Variants in COL28A1 observed in about 807,000 individuals in gnomAD.
The protein encoded by COL28A1 is collagen alpha-1(XXVIII) chain.
A neutral mutation model predicts 150.2 loss-of-function variants in COL28A1; 161 were observed. The observed-to-expected ratio is 1.07, with a 90% CI of 0.94 to 1.22. COL28A1 has a LOEUF of 1.22. COL28A1 is among the 50% of genes most tolerant of loss of function. COL28A1 has a pLI of 0.00. For synonymous variants in COL28A1, 552 were observed against 469.7 expected (o/e 1.18, Z -2.26); for missense variants, 1,617 against 1,388.3 (o/e 1.16, Z -2.62).
upstream of COL28A1, among the ~76,000 whole-genome samples, chr7:7,536,907 C>G (rs1162326817): frequency 6.6e-6 from 1 of 152,108 alleles, no homozygotes; most frequent in Non-Finnish European, 1.5e-5. Context: ...CACTTAATGT[C>G]CTCTGTAGGT....
intron 33 of COL28A1, among the ~76,000 whole-genome samples, chr7:7,360,916 C>A (rs1036633725): frequency 1.3e-5 from 2 of 152,216 alleles, no homozygotes; most frequent in Non-Finnish European, 2.9e-5. Flanking sequence ...CCACTCATTT[C>A]TTTAACATTT....
chr7:7,439,862 T>C (rs1736627040), intron 21 of COL28A1, among the ~76,000 whole-genome samples: 1 of 152,194 alleles, frequency 6.6e-6, no homozygotes, highest in Non-Finnish European at 1.5e-5. Context: ...CCCCAGGTGA[T>C]ACCGATGGAC....
chr7:7,461,731 C>A (rs1039953315), intron 15 of COL28A1, among the ~76,000 whole-genome samples: 1 of 152,118 alleles, frequency 6.6e-6, no homozygotes, highest in African/African-American at 2.4e-5. Context: ...CACAGCAAGA[C>A]CCACCCAAGT....
At position 7,471,982 on chromosome 7, in the gene COL28A1, T is replaced by G. The variant is rs1011017752; in HGVS notation, c.1302+2619A>C. On this transcript the variant is annotated intron_variant, in intron 15 of 34. Transcript: ENST00000399429. The stretch of plus-strand genomic sequence containing the variant: ...GACAAAATCCAGCATCCCTTTATGA[T>G]TAAAGCTCTCAGCAAAATTGGCATA... Among the ~76,000 whole-genome samples, 3 of 152,136 alleles carry G rather than the reference T, an allele frequency of 2.0e-5. No individual in the cohort carries two copies. The South Asian group carries it at 6.2e-4, about 31-fold the overall frequency.
chr7:7,507,352 A>C (rs559947899), intron 9 of COL28A1, among the ~76,000 whole-genome samples, 191 bp from the exon 10 acceptor site: 12 of 152,370 alleles, frequency 7.9e-5, no homozygotes, highest in Non-Finnish European at 1.3e-4. Flanking sequence ...TTCCTTCAGT[A>C]AACAATCTCC....
At chr7:7,480,484 CAACCAAATTATTAATAGATTGCAAACTA>C (rs1434385364) in intron 13 of COL28A1, among the ~76,000 whole-genome samples, 6 of 152,018 alleles carry the variant, frequency 3.9e-5, no homozygotes, top group African/African-American at 1.4e-4. Context: ...ATTGCAAACT[CAACCAAATTATTAATAGATTGCAAACTA>C]AACCAAAAGT....
intron 11 of COL28A1, among the ~76,000 whole-genome samples, chr7:7,500,298 T>C (rs1562843672): frequency 6.6e-6 from 1 of 152,216 alleles, no homozygotes; most frequent in East Asian, 1.9e-4. Context: ...ACTCATGCCA[T>C]TTAAAACCTT....
At chr7:7,471,213 G>A (rs1304172318) in intron 15 of COL28A1, among the ~76,000 whole-genome samples, 2 of 148,366 alleles carry the variant, frequency 1.3e-5, no homozygotes, top group Non-Finnish European at 3.0e-5. Context: ...ATAACAAGCA[G>A]TAAGACTGAA....
intron 13 of COL28A1, among the ~76,000 whole-genome samples, chr7:7,482,292 A>T (rs1255378173): frequency 6.6e-6 from 1 of 152,128 alleles, no homozygotes; most frequent in Non-Finnish European, 1.5e-5. Context: ...CAGGACGCTG[A>T]GGTGGGCGGA....
intron 18 of COL28A1, among the ~76,000 whole-genome samples, chr7:7,445,788 A>G (rs1037225678): frequency 6.6e-6 from 1 of 152,220 alleles, no homozygotes; most frequent in East Asian, 1.9e-4. Context: ...CACTAAGTAG[A>G]TGGAATGATA....
At chr7:7,437,279 G>A in intron 22 of COL28A1, 115 bp downstream of exon 22, 6 of 1,420,804 alleles carry the variant, frequency 4.2e-6, no homozygotes, top group Non-Finnish European at 5.5e-6. Flanking sequence ...GAGTTAAACG[G>A]AATCATTTCT....
chr7:7,351,576 G>A (rs979281860), downstream of COL28A1, among the ~76,000 whole-genome samples: 3 of 152,062 alleles, frequency 2.0e-5, no homozygotes, highest in Non-Finnish European at 4.4e-5. Flanking sequence ...TTCTTAACTT[G>A]ATTAAAACAG....
At position 7,456,034 on chromosome 7, in the gene COL28A1, C is replaced by A. The variant is rs749106451; in HGVS notation, c.1371+10G>T. ...CTGCACTGAAGGGAAAGGAAGAATG[C>A]ATTAATTACCTGTTCCCCTTGACTC... is the stretch of plus-strand genomic sequence containing the variant. On this transcript the variant is annotated intron_variant, in intron 16 of 34. Transcript: ENST00000399429. 6.2e-7 allele frequency: 1 copy of A among 1,613,710 alleles called. No homozygotes were observed. The highest frequency in any genetic ancestry group is 8.5e-7 in the Non-Finnish European group (1 of 1,179,790).
chr7:7,419,238 C>T (rs953305343), intron 26 of COL28A1, among the ~76,000 whole-genome samples: 11 of 152,164 alleles, frequency 7.2e-5, no homozygotes, highest in Non-Finnish European at 1.3e-4. Context: ...TGATGGGAGG[C>T]TGTCCTGGGC....
chr7:7,440,983 A>G, intron 20 of COL28A1, 122 bp from the exon 21 acceptor site: 2 of 536,000 alleles, frequency 3.7e-6, no homozygotes, highest in African/African-American at 1.9e-5. Context: ...GTGTGCCCTG[A>G]GCACAGCTCA....
Position 7,440,878 on chromosome 7 carries a change from G to GA in COL28A1, c.1651-18dup. 7.5e-7 allele frequency: 1 copy of GA among 1,325,578 alleles called. No homozygotes were observed. The highest frequency in any genetic ancestry group is 1.7e-5 in the Admixed American group (1 of 59,312). The allele number at this position is 1,325,578 out of a possible 1,614,324, so 82.1% of individuals were successfully genotyped here. A position where few individuals can be genotyped will look rare whatever the true frequency, so the allele number is the denominator to read the frequency against. On this transcript the variant is annotated splice_polypyrimidine_tract_variant and intron_variant, in intron 20 of 34. Transcript: ENST00000399429. ...TTCGTCACCCTAACAAAATAATTATGAAAATATAGATTTTCGTATGGTATT... is the reference window on the plus strand; with the variant it reads ...TTCGTCACCCTAACAAAATAATTATGAAAAATATAGATTTTCGTATGGTATT...
At chr7:7,429,371 C>T (rs1333388521) in intron 25 of COL28A1, among the ~76,000 whole-genome samples, 4 of 151,486 alleles carry the variant, frequency 2.6e-5, no homozygotes, top group Admixed American at 6.6e-5. Context: ...CTGGAATTAT[C>T]TTCCTTTCTT....
chr7:7,486,092 C>T (rs1006042350), intron 13 of COL28A1, among the ~76,000 whole-genome samples: 1 of 152,108 alleles, frequency 6.6e-6, no homozygotes, highest in Non-Finnish European at 1.5e-5. Flanking sequence ...TGTAAACATG[C>T]CTCTAAATGT....
At chr7:7,505,448 C>T (rs112538837) in intron 11 of COL28A1, among the ~76,000 whole-genome samples, 3 of 152,162 alleles carry the variant, frequency 2.0e-5, no homozygotes, top group African/African-American at 4.8e-5. Context: ...TATAACCAGG[C>T]CTTTAAAGAT....
Sources: allele counts gnomAD v4.1 joint callset (sites outside exome capture counted in the v4.1 genomes callset), GRCh38; gene constraint gnomAD v4.1.1; transcripts MANE v1.5; gene names NCBI Gene and HGNC (gene_info 2026-07-23, HGNC 2026-07-21).